The following ZNF490 variants were observed in gnomAD, a reference collection of about 807,000 sequenced individuals.
ZNF490 encodes zinc finger protein 490.
A neutral mutation model predicts 17.7 loss-of-function variants in ZNF490; 11 were observed. That is an observed-to-expected ratio of 0.62 (90% CI 0.39 to 1.03). The LOEUF is 1.03. ZNF490 is among the 50% of genes least tolerant of loss of function. The pLI is 0.00. For synonymous variants in ZNF490, 222 were observed against 216.1 expected (o/e 1.03, Z -0.24); for missense variants, 542 against 643.4 (o/e 0.84, Z 1.71).
intron 2 of ZNF490, among the ~76,000 whole-genome samples, chr19:12,600,908 T>C (rs751723637): frequency 1.3e-5 from 2 of 151,806 alleles, no homozygotes; most frequent in Non-Finnish European, 2.9e-5. Flanking sequence ...CTGGCCAACA[T>C]GACACAACCT....
At chr19:12,596,194 G>A (rs73497790) in intron 2 of ZNF490, among the ~76,000 whole-genome samples, 3,775 of 142,284 alleles carry the variant, frequency 0.027, 157 homozygotes, top group African/African-American at 0.093. Flanking sequence ...CAACCTGGGA[G>A]GCAGGGGTTG....
chr19:12,580,678 C>A lies in ZNF490; in HGVS notation c.1397G>T (p.Arg466Ile). 6.2e-7 allele frequency: 1 copy of A among 1,614,180 alleles called. No individual in the cohort carries two copies. Among genetic ancestry groups the A allele is most frequent in the East Asian group, 2.2e-5 (1 of 44,878 alleles). ...IYFSHLRRHE[R>I]SHTGVKPCEC... Reference sequence around the variant, plus strand: ...ACATGGTTTCACTCCAGTGTGACTTCTTTCGTGCCTTCGAAGGTGACTGAA... The same window carrying A: ...ACATGGTTTCACTCCAGTGTGACTTATTTCGTGCCTTCGAAGGTGACTGAA... The change falls in exon 5 of 5, where the codon AGA becomes ATA. Residue 466 changes from arginine (R) to isoleucine (I), a missense_variant. Arg to Ile is a moderately conservative substitution (Grantham distance 97). Transcript: ENST00000311437.
In ZNF490 at chr19:12,578,946, G is replaced by T; in HGVS notation, c.*1539C>A. 3 of 985,482 alleles carry T rather than the reference G, an allele frequency of 3.0e-6. No homozygotes were observed. Among genetic ancestry groups the T allele is most frequent in the Non-Finnish European group, 3.6e-6 (3 of 829,992 alleles). 61.0% of individuals were successfully genotyped at this position (985,482 alleles called of 1,614,324 possible). ...AGAAGGTGGCTCTCCAGTGTGGGTG[G>T]TTTCATGGTTTTAAAATGAACTGGA... On this transcript the variant is annotated 3_prime_UTR_variant, in exon 5 of 5. Transcript: ENST00000311437.
chr19:12,590,658 C>A lies in ZNF490; in HGVS notation c.163-7102G>T, dbSNP rs376425008. 5.3e-5 allele frequency among the ~76,000 whole-genome samples: 8 copies of A among 152,280 alleles called. No homozygotes were observed. The East Asian group carries it at 1.4e-3, about 26-fold the overall frequency. On this transcript the variant is annotated intron_variant, in intron 2 of 4. Transcript: ENST00000311437. ...ACATGACTGCGTATGTAGAGAATTT[C>A]AAAAATCTACAACAAAGAAAATTCC...
chr19:12,591,997 T>C (rs921833271), intron 2 of ZNF490, among the ~76,000 whole-genome samples: 1 of 152,190 alleles, frequency 6.6e-6, no homozygotes, highest in African/African-American at 2.4e-5. Context: ...TACCTCTCAA[T>C]AGACAAATGG....
intron 2 of ZNF490, among the ~76,000 whole-genome samples, chr19:12,589,038 C>T (rs1040953856): frequency 3.3e-5 from 5 of 152,088 alleles, no homozygotes; most frequent in Admixed American, 3.3e-4. Flanking sequence ...AAACTAATAA[C>T]AGGCCAGGTA....
chr19:12,582,284 T>G (rs947522615), intron 4 of ZNF490, among the ~76,000 whole-genome samples: 5 of 151,830 alleles, frequency 3.3e-5, no homozygotes, highest in Non-Finnish European at 7.4e-5. Flanking sequence ...TAGAGACAGG[T>G]TTTCACTATG....
chr19:12,609,350 T>C (rs58280712), intron 1 of ZNF490, 148 bp from the exon 2 acceptor site: 11,804 of 659,572 alleles, frequency 0.018, 232 homozygotes, highest in African/African-American at 0.065. Flanking sequence ...TTTTCAAGAT[T>C]ACACTGTCTC....
chr19:12,600,050 G>C (rs757296786), intron 2 of ZNF490, among the ~76,000 whole-genome samples: 6 of 152,142 alleles, frequency 3.9e-5, no homozygotes, highest in Non-Finnish European at 8.8e-5. Flanking sequence ...GGGTAAATAT[G>C]TCTATAAGGT....
intron 2 of ZNF490, among the ~76,000 whole-genome samples, chr19:12,590,454 G>A (rs958581772): frequency 2.7e-5 from 4 of 148,944 alleles, no homozygotes; most frequent in African/African-American, 7.5e-5. Context: ...TGACCTCAAT[G>A]ATCCCCCCAA....
At chr19:12,601,628 T>C (rs983959974) in intron 2 of ZNF490, among the ~76,000 whole-genome samples, 3 of 152,106 alleles carry the variant, frequency 2.0e-5, no homozygotes, top group African/African-American at 7.2e-5. Flanking sequence ...CAGATGATCA[T>C]GCCACTGTGC....
chr19:12,581,894 C>T (rs2022739862), intron 4 of ZNF490, among the ~76,000 whole-genome samples, 170 bp from the exon 5 acceptor site: 1 of 152,046 alleles, frequency 6.6e-6, no homozygotes, highest in Admixed American at 6.6e-5. Flanking sequence ...AGGCCGTGAC[C>T]ATAGCTATTA....
chr19:12,585,488 G>A, intron 2 of ZNF490, among the ~76,000 whole-genome samples: 1 of 93,024 alleles, frequency 1.1e-5, no homozygotes, highest in Admixed American at 1.0e-4. Context: ...TACAACAAGA[G>A]AGGGTCCATT....
At position 12,577,373 on chromosome 19, in the gene ZNF490, G is replaced by A. The variant is rs2022656822; in HGVS notation, c.*3112C>T. 4 of 935,900 alleles carry A rather than the reference G, an allele frequency of 4.3e-6. No individual in the cohort carries two copies. Among genetic ancestry groups the A allele is most frequent in the Non-Finnish European group, 5.1e-6 (4 of 784,828 alleles). 58.0% of individuals were successfully genotyped at this position (935,900 alleles called of 1,614,324 possible). A position where few individuals can be genotyped will look rare whatever the true frequency, so the allele number is the denominator to read the frequency against. ...GGCTCCTTGAGCCCATTCTGACAGTGAAGGAATCTCGAACTTCCTGACCTC... is the reference window on the plus strand; with the variant it reads ...GGCTCCTTGAGCCCATTCTGACAGTAAAGGAATCTCGAACTTCCTGACCTC... On this transcript the variant is annotated 3_prime_UTR_variant, in exon 5 of 5. Coordinates refer to ENST00000311437, the MANE Select transcript of ZNF490 (RefSeq NM_020714.3).
At chr19:12,589,568 CTT>C (rs66811210) in intron 2 of ZNF490, among the ~76,000 whole-genome samples, 144 of 125,650 alleles carry the variant, frequency 1.1e-3, no homozygotes, top group Admixed American at 1.1e-3. Context: ...TCTTCTTCTT[CTT>C]TTTTTTTTTT....
Position 12,581,743 on chromosome 19 carries a change from G to GT in ZNF490, c.351-20dup, listed in dbSNP as rs755328184. On this transcript the variant is annotated intron_variant, in intron 4 of 4. Transcript: ENST00000311437. ...AGGACTTCTGTAAAGAATGAGTACCGTATTATTAATAGTTTTGTATTAATG... is the reference window on the plus strand; with the variant it reads ...AGGACTTCTGTAAAGAATGAGTACCGTTATTATTAATAGTTTTGTATTAATG... 6.4e-7 allele frequency: 1 copy of GT among 1,550,656 alleles called. No homozygotes were observed. Among genetic ancestry groups the GT allele is most frequent in the Non-Finnish European group, 8.7e-7 (1 of 1,148,500 alleles).
chr19:12,580,820 C>A lies in ZNF490; in HGVS notation c.1255G>T (p.Glu419Ter), dbSNP rs73497762. 6.2e-7 allele frequency: 1 copy of A among 1,614,136 alleles called. No individual in the cohort carries two copies. The highest frequency in any genetic ancestry group is 1.1e-5 in the South Asian group (1 of 91,074). Residue 419 changes from glutamate (E) to a stop codon, truncating the protein, a stop_gained, in exon 5 of 5, where the codon GAA (glutamate) becomes TAA (stop). Coordinates refer to ENST00000311437, the MANE Select transcript of ZNF490 (RefSeq NM_020714.3). LOFTEE classifies it low-confidence loss of function (END_TRUNC). ...ERVHTGEKTY[E>*]CKECGKAFLY... is the part of the protein sequence containing the mutation. ...AAGGCTTTACCACATTCTTTACATT[C>A]GTAAGTTTTCTCGCCAGTGTGAACT...
At chr19:12,598,576 G>A (rs2022962820) in intron 2 of ZNF490, among the ~76,000 whole-genome samples, 2 of 151,528 alleles carry the variant, frequency 1.3e-5, no homozygotes, top group South Asian at 4.2e-4. Flanking sequence ...GTTTCTCCAT[G>A]TTGGTCAGGC....
intron 2 of ZNF490, among the ~76,000 whole-genome samples, chr19:12,602,822 C>T (rs139961080): frequency 0.043 from 6,544 of 151,888 alleles, 188 homozygotes; most frequent in Non-Finnish European, 0.065. Context: ...AACAAGGTTT[C>T]GCCATGTTGG....
Sources: allele counts gnomAD v4.1 joint callset (sites outside exome capture counted in the v4.1 genomes callset), GRCh38; gene constraint gnomAD v4.1.1; transcripts MANE v1.5; gene names NCBI Gene and HGNC (gene_info 2026-07-23, HGNC 2026-07-21).